The following SDR42E2 variants were observed in gnomAD, a reference collection of about 807,000 sequenced individuals.
SDR42E2 encodes short chain dehydrogenase/reductase family 42E, member 2, also known as putative short-chain dehydrogenase/reductase family 42E member 2.
SDR42E2 carries 20 observed loss-of-function variants against 10.5 expected under a neutral mutation model. The observed-to-expected ratio is 1.90, with a 90% confidence interval of 1.34 to 2.77. The LOEUF (loss-of-function observed/expected upper bound fraction) is 2.77, where lower values mean the gene tolerates loss of function less well. Among genes scored for constraint, SDR42E2 ranks in the 30% most tolerant of loss-of-function variants. The pLI, the probability that SDR42E2 is intolerant of heterozygous loss-of-function variation, is 0.00. For synonymous variants in SDR42E2, 72 were observed against 39.2 expected (o/e 1.84, Z -3.12); for missense variants, 162 against 104.2 (o/e 1.55, Z -2.42).
At chr16:22,163,772 A>G (rs1243130996) in intron 1 of SDR42E2, among the ~76,000 whole-genome samples, 1 of 152,092 alleles carries the variant, frequency 6.6e-6, no homozygotes, top group Non-Finnish European at 1.5e-5. Context: ...CCTCACCCAG[A>G]CATTTGGTGA....
In SDR42E2 at chr16:22,176,646, C is replaced by T. The variant is rs144890623; in HGVS notation, c.590-1484C>T. Among the ~76,000 whole-genome samples, 789 of 152,304 alleles carry T rather than the reference C, an allele frequency of 5.2e-3. 3 individuals are homozygous for T. Among genetic ancestry groups the T allele is most frequent in the Non-Finnish European group, 8.2e-3 (559 of 68,038 alleles). ...CTATGTTGCCCAGGCTGGTCTCGAACTCCTGGGCTCAAGCAATCCTCCTGC... is the reference window on the plus strand; with the variant it reads ...CTATGTTGCCCAGGCTGGTCTCGAATTCCTGGGCTCAAGCAATCCTCCTGC... On this transcript the variant is annotated intron_variant, in intron 7 of 12. Coordinates refer to ENST00000602312, the MANE Select transcript of SDR42E2 (RefSeq NM_001394319.2).
intron 1 of SDR42E2, among the ~76,000 whole-genome samples, 143 bp downstream of exon 1, chr16:22,162,707 C>T (rs2046507818): frequency 6.6e-6 from 1 of 152,220 alleles, no homozygotes; most frequent in Non-Finnish European, 1.5e-5. Flanking sequence ...TGATGCTCCC[C>T]ACCCTTTTGC....
chr16:22,164,025 C>T (rs2046516053), intron 1 of SDR42E2, among the ~76,000 whole-genome samples: 1 of 150,080 alleles, frequency 6.7e-6, no homozygotes, highest in Non-Finnish European at 1.5e-5. Flanking sequence ...GATCACCTAG[C>T]CCTGGTCATC....
intron 8 of SDR42E2, among the ~76,000 whole-genome samples, chr16:22,178,915 A>T (rs557455924): frequency 2.9e-4 from 44 of 152,276 alleles, no homozygotes; most frequent in Non-Finnish European, 5.6e-4. Context: ...CTGATCTGGG[A>T]GTACGGGATT....
At position 22,175,662 on chromosome 16, in the gene SDR42E2, C is replaced by CAG. The variant is rs957664482; in HGVS notation, c.590-2465_590-2464dup. ...CACCACTGCATTTCAGCCTGGGTGA[C>CAG]AGAGTGAGACCCTGTCTCTAAAAAT... On this transcript the variant is annotated intron_variant, in intron 7 of 12. Transcript: ENST00000602312. Among the ~76,000 whole-genome samples, 7 of 151,278 alleles carry CAG rather than the reference C, an allele frequency of 4.6e-5. 1 individual carries two copies. The Admixed American group carries it at 4.6e-4, about 10-fold the overall frequency.
chr16:22,178,933 G>A (rs1265238606), intron 8 of SDR42E2, among the ~76,000 whole-genome samples: 2 of 152,150 alleles, frequency 1.3e-5, no homozygotes, highest in African/African-American at 4.8e-5. Flanking sequence ...ATTATGAGGA[G>A]CTAGAGTTAT....
rs1032809201 is a variant in SDR42E2, at chr16:22,168,067, C to G, written c.336+1068C>G. 2.6e-5 allele frequency among the ~76,000 whole-genome samples: 4 copies of G among 151,838 alleles called. No homozygotes were observed. In the South Asian group the frequency reaches 8.3e-4, roughly 32 times the overall value. On this transcript the variant is annotated intron_variant, in intron 4 of 12. Coordinates refer to ENST00000602312, the MANE Select transcript of SDR42E2 (RefSeq NM_001394319.2). ...TGTTTGAATTCTTTTTAACCTTGATCGTGTTGCCTATGAAACAAAAACAGC... is the reference window on the plus strand; with the variant it reads ...TGTTTGAATTCTTTTTAACCTTGATGGTGTTGCCTATGAAACAAAAACAGC...
In SDR42E2 at chr16:22,186,727, T is replaced by A. The variant is rs1487759551; in HGVS notation, c.947T>A (p.Val316Asp). ...GCCCCCTCCTTCCCTGCAGCAGCAG[T>A]TATGGAGCGCCTCCATCTGGCCCTG... ...PTSWVYLTAA[V>D]MERLHLALRP... The change falls in exon 12 of 13, where the codon GTT (valine) becomes GAT (aspartate). Residue 316 changes from valine (V) to aspartate (D), a missense_variant. Val to Asp is a radical substitution (Grantham distance 152). Transcript: ENST00000602312. 1 of 401,154 alleles carries A rather than the reference T, an allele frequency of 2.5e-6. No individual in the cohort carries two copies. The highest frequency in any genetic ancestry group is 4.4e-6 in the Non-Finnish European group (1 of 226,304). The allele number at this position is 401,154 out of a possible 1,614,324, so 24.8% of individuals were successfully genotyped here. A position where few individuals can be genotyped will look rare whatever the true frequency, so the allele number is the denominator to read the frequency against.
intron 8 of SDR42E2, among the ~76,000 whole-genome samples, chr16:22,180,468 A>T (rs943234000): frequency 6.6e-6 from 1 of 152,086 alleles, no homozygotes; most frequent in African/African-American, 2.4e-5. Flanking sequence ...TGGGAAGCCG[A>T]GGAGGGAAGA....
chr16:22,181,536 G>A lies in SDR42E2; in HGVS notation c.690G>A (p.Arg230=), dbSNP rs1311895156. 1 of 703,044 alleles carries A rather than the reference G, an allele frequency of 1.4e-6. No individual in the cohort carries two copies. The highest frequency in any genetic ancestry group is 2.6e-6 in the Non-Finnish European group (1 of 385,006). The allele number at this position is 703,044 out of a possible 1,614,324, so 43.6% of individuals were successfully genotyped here. Residue 230 remains arginine (R), a synonymous_variant, in exon 9 of 13, where the codon AGG becomes AGA. Transcript: ENST00000602312. ...TCCACCAGGGCCACATCAAGAAGAG[G>A]CTGTTCATGTTCCGATTTGGGGACC... ...LPRVAGHIKK[R]LFMFRFGDHK...
intron 8 of SDR42E2, among the ~76,000 whole-genome samples, chr16:22,180,496 T>G (rs1230452726): frequency 6.6e-6 from 1 of 151,218 alleles, no homozygotes; most frequent in Non-Finnish European, 1.5e-5. Context: ...AGCCCAGGAG[T>G]TCAAGGCCAG....
chr16:22,176,381 C>T (rs150278124), intron 7 of SDR42E2, among the ~76,000 whole-genome samples: 274 of 152,240 alleles, frequency 1.8e-3, no homozygotes, highest in African/African-American at 5.8e-3. Context: ...AATAGATATG[C>T]TCATTACCCT....
chr16:22,187,628 C>G (rs1240344744), intron 12 of SDR42E2, among the ~76,000 whole-genome samples: 1 of 151,868 alleles, frequency 6.6e-6, no homozygotes, highest in East Asian at 1.9e-4. Context: ...GATTCTCCCC[C>G]CTCAGCCTTC....
chr16:22,166,770 C>T (rs550843064), intron 3 of SDR42E2, 134 bp from the exon 4 acceptor site: 39 of 448,884 alleles, frequency 8.7e-5, no homozygotes, highest in African/African-American at 7.3e-4. Context: ...GCCCCACCAG[C>T]CTTTCCTGAT....
intron 2 of SDR42E2, 144 bp downstream of exon 2, chr16:22,165,781 G>C (rs1024888459): frequency 2.5e-6 from 1 of 401,314 alleles, no homozygotes; most frequent in African/African-American, 2.0e-5. Context: ...AGGACCTCAG[G>C]CGGGTTCTGG....
At position 22,165,554 on chromosome 16, in the gene SDR42E2, G is replaced by C; in HGVS notation, c.-29G>C. ...CTATTTTTTTTCCCACAGGTGGTCG[G>C]TTTCTGGGTCTGCATGGCTCAGTAG... On this transcript the variant is annotated 5_prime_UTR_variant, in exon 2 of 13. Coordinates refer to ENST00000602312, the MANE Select transcript of SDR42E2 (RefSeq NM_001394319.2). 2 of 401,362 alleles carry C rather than the reference G, an allele frequency of 5.0e-6. No individual in the cohort carries two copies. The highest frequency in any genetic ancestry group is 8.8e-5 in the Admixed American group (2 of 22,734). The allele number at this position is 401,362 out of a possible 1,614,324, so 24.9% of individuals were successfully genotyped here. A position where few individuals can be genotyped will look rare whatever the true frequency, so the allele number is the denominator to read the frequency against.
chr16:22,190,565 G>A lies in SDR42E2; in HGVS notation c.*172G>A. On this transcript the variant is annotated 3_prime_UTR_variant, in exon 13 of 13. Transcript: ENST00000602312. ...CCGCTCTCCAGACCTAGCCCGGACC[G>A]CCGACTTCTGGCCACGCCCCTATCT... 1 of 394,988 alleles carries A rather than the reference G, an allele frequency of 2.5e-6. No individual in the cohort carries two copies. The highest frequency in any genetic ancestry group is 1.2e-4 in the South Asian group (1 of 8,096). The allele number at this position is 394,988 out of a possible 1,614,324, so 24.5% of individuals were successfully genotyped here.
rs1327868289 is a variant in SDR42E2 at position 22,184,561 on chromosome 16, C to T, written c.940+317C>T. On this transcript the variant is annotated intron_variant, in intron 11 of 12. Coordinates refer to ENST00000602312, the MANE Select transcript of SDR42E2 (RefSeq NM_001394319.2). ...AGGTTGCAGTGAGCCGAGATCCCGC[C>T]ACTGCACTCCAGACTGGGTGACAGA... Among the ~76,000 whole-genome samples, 8 of 152,314 alleles carry T rather than the reference C, an allele frequency of 5.3e-5. No individual in the cohort carries two copies. The East Asian group carries it at 1.5e-3, about 29-fold the overall frequency.
intron 5 of SDR42E2, among the ~76,000 whole-genome samples, chr16:22,169,756 C>T (rs963258812): frequency 6.6e-6 from 1 of 152,110 alleles, no homozygotes; most frequent in Non-Finnish European, 1.5e-5. Context: ...GCTGGCTGGG[C>T]GTGGTGGCTC....
Sources: gnomAD v4.1 joint callset for allele counts (sites outside exome capture counted in the v4.1 genomes callset) on GRCh38, gnomAD v4.1.1 for gene constraint, MANE v1.5 for transcripts, NCBI Gene and HGNC (gene_info 2026-07-23, HGNC 2026-07-21) for gene names.